The following SGCD variants were observed in gnomAD, a reference collection of about 807,000 sequenced individuals.
SGCD encodes the protein delta-sarcoglycan.
A neutral mutation model predicts 36.6 loss-of-function variants in SGCD; 18 were observed. The observed-to-expected ratio is 0.49, with a 90% CI of 0.34 to 0.73. The LOEUF (loss-of-function observed/expected upper bound fraction) is 0.73, where lower values mean the gene tolerates loss of function less well. Ranked by LOEUF, SGCD falls within the 30% of genes least tolerant of loss-of-function variation. The pLI, the probability that SGCD is intolerant of heterozygous loss-of-function variation, is 0.01. For synonymous variants in SGCD, 133 were observed against 130.6 expected, an observed-to-expected ratio of 1.02 and a Z score of -0.12; for missense variants, 387 against 346.7, an observed-to-expected ratio of 1.12 and a Z score of -0.92.
intron 1 of SGCD, among the ~76,000 whole-genome samples, chr5:155,938,290 G>T (rs1757256737): frequency 6.6e-6 from 1 of 152,182 alleles, no homozygotes; most frequent in Non-Finnish European, 1.5e-5. Flanking sequence ...GGCCACAGGT[G>T]CCAGCTGTCA....
chr5:156,114,375 G>A (rs1226265437), intron 1 of SGCD, among the ~76,000 whole-genome samples: 1 of 151,980 alleles, frequency 6.6e-6, no homozygotes, highest in Non-Finnish European at 1.5e-5. Context: ...GTACCCTCAC[G>A]CAAGCCACAA....
intron 6 of SGCD, among the ~76,000 whole-genome samples, chr5:156,638,562 C>T (rs2113555913): frequency 6.6e-6 from 1 of 152,322 alleles, no homozygotes; most frequent in Middle Eastern, 3.4e-3. Flanking sequence ...CTAGAGGCTG[C>T]CTTGTTCCAG....
At chr5:155,890,928 C>G (rs909083585) in intron 1 of SGCD, among the ~76,000 whole-genome samples, 1 of 152,144 alleles carries the variant, frequency 6.6e-6, no homozygotes, top group African/African-American at 2.4e-5. Context: ...TCTCAAGAGA[C>G]AGCAGAAGAA....
intron 3 of SGCD, among the ~76,000 whole-genome samples, chr5:156,315,302 T>C (rs1581237860): frequency 6.6e-6 from 1 of 151,670 alleles, no homozygotes; most frequent in African/African-American, 2.4e-5. Flanking sequence ...AGTAGAATCA[T>C]GCAGTATTTG....
intron 3 of SGCD, among the ~76,000 whole-genome samples, chr5:156,142,208 A>G (rs1014858739): frequency 1.3e-5 from 2 of 152,212 alleles, no homozygotes; most frequent in East Asian, 1.9e-4. Flanking sequence ...GCTTTCTGCC[A>G]TACTTGAAAG....
At chr5:156,612,379 A>G (rs1442056226) in intron 6 of SGCD, among the ~76,000 whole-genome samples, 3 of 152,272 alleles carry the variant, frequency 2.0e-5, no homozygotes, top group Non-Finnish European at 4.4e-5. Flanking sequence ...GACCTAGGCT[A>G]CATGAGTTTG....
At chr5:155,840,747 C>T in the SGCD span, among the ~76,000 whole-genome samples, 1 of 151,210 alleles carries the variant, frequency 6.6e-6, no homozygotes, top group African/African-American at 2.4e-5. Context: ...AGTGGTGGCT[C>T]GTGCCTGTAA....
At chr5:155,769,750 G>C in the SGCD span, among the ~76,000 whole-genome samples, 1 of 151,986 alleles carries the variant, frequency 6.6e-6, no homozygotes, top group Admixed American at 6.6e-5. Context: ...GTAATATGTT[G>C]TTCTGGCCTA....
the SGCD span, among the ~76,000 whole-genome samples, chr5:155,771,765 T>G: frequency 6.6e-6 from 1 of 152,022 alleles, no homozygotes; most frequent in East Asian, 1.9e-4. Context: ...TTGCCCAGGG[T>G]GGTCTTGAAC....
chr5:155,836,145 A>C, the SGCD span, among the ~76,000 whole-genome samples: 2 of 152,110 alleles, frequency 1.3e-5, no homozygotes, highest in African/African-American at 4.8e-5. Context: ...GGACTTATTT[A>C]AATACTGGGA....
intron 6 of SGCD, among the ~76,000 whole-genome samples, chr5:156,618,785 G>T (rs1239830247): frequency 6.6e-6 from 1 of 151,966 alleles, no homozygotes; most frequent in Non-Finnish European, 1.5e-5. Flanking sequence ...TTTTCCCTTT[G>T]GCAAGAGGGA....
At chr5:156,597,779 T>C (rs1379179570) in intron 6 of SGCD, among the ~76,000 whole-genome samples, 2 of 152,232 alleles carry the variant, frequency 1.3e-5, no homozygotes, top group Non-Finnish European at 2.9e-5. Context: ...TATTGATTAC[T>C]TGCTATGATT....
chr5:155,808,307 C>T, the SGCD span, among the ~76,000 whole-genome samples: 9 of 152,138 alleles, frequency 5.9e-5, no homozygotes, highest in Admixed American at 4.6e-4. Flanking sequence ...CAACACCCAC[C>T]AGGATGCTAT....
chr5:156,639,745 A>G (rs147968591), intron 6 of SGCD, among the ~76,000 whole-genome samples: 13 of 152,182 alleles, frequency 8.5e-5, no homozygotes, highest in Non-Finnish European at 1.5e-4. Flanking sequence ...TTTAACACAG[A>G]TAAACTGTTC....
chr5:156,493,052 G>A (rs1260769966), intron 3 of SGCD, among the ~76,000 whole-genome samples: 1 of 152,128 alleles, frequency 6.6e-6, no homozygotes, highest in Non-Finnish European at 1.5e-5. Flanking sequence ...ATAGTAGAAT[G>A]ATTTATAATC....
At chr5:155,752,506 T>C in the SGCD span, among the ~76,000 whole-genome samples, 1 of 152,194 alleles carries the variant, frequency 6.6e-6, no homozygotes, top group African/African-American at 2.4e-5. Flanking sequence ...CTGTACCTAG[T>C]TGGTTGATAC....
At chr5:156,547,604 G>A (rs1758631455) in intron 4 of SGCD, among the ~76,000 whole-genome samples, 2 of 151,966 alleles carry the variant, frequency 1.3e-5, no homozygotes, top group Admixed American at 6.6e-5. Context: ...CACAATGCCC[G>A]GCTAATTTTT....
intron 3 of SGCD, among the ~76,000 whole-genome samples, chr5:156,428,936 T>A (rs1773792575): frequency 6.6e-6 from 1 of 152,028 alleles, no homozygotes; most frequent in South Asian, 2.1e-4. Context: ...ATTTATTGAG[T>A]CTTTTTTTGT....
chr5:155,794,851 G>A, the SGCD span, among the ~76,000 whole-genome samples: 2 of 152,036 alleles, frequency 1.3e-5, no homozygotes, highest in African/African-American at 4.8e-5. Context: ...GAAAAAAATG[G>A]AAAGAAAATA....
Sources: gnomAD v4.1 joint callset for allele counts (sites outside exome capture counted in the v4.1 genomes callset) on GRCh38, gnomAD v4.1.1 for gene constraint, MANE v1.5 for transcripts, NCBI Gene and HGNC (gene_info 2026-07-23, HGNC 2026-07-21) for gene names.